KAT6B: variants seen among roughly 807,000 people sequenced by gnomAD.
KAT6B encodes the protein histone acetyltransferase KAT6B.
In KAT6B, 10 loss-of-function variants were observed where a neutral mutation model predicts 187.5. The observed-to-expected ratio is 0.05, with a 90% confidence interval of 0.03 to 0.09. The LOEUF (loss-of-function observed/expected upper bound fraction) is 0.09. Among genes scored for constraint, KAT6B ranks in the 10% least tolerant of loss-of-function variants. The pLI is 1.00. For synonymous variants in KAT6B, 861 were observed against 926.8 expected (o/e 0.93, Z 1.29); for missense variants, 1,952 against 2,558.9 (o/e 0.76, Z 5.12).
chr10:75,005,370 A>T (rs956308818), intron 13 of KAT6B, among the ~76,000 whole-genome samples: 5 of 151,882 alleles, frequency 3.3e-5, no homozygotes, highest in African/African-American at 1.2e-4. Context: ...GGCACGTGCC[A>T]CCATGCCCGG....
At chr10:74,958,523 A>G (rs1840846507) in intron 3 of KAT6B, among the ~76,000 whole-genome samples, 1 of 152,164 alleles carries the variant, frequency 6.6e-6, no homozygotes, top group Non-Finnish European at 1.5e-5. Context: ...ATATGCGGTA[A>G]AATTACAGTT....
chr10:74,935,019 G>C lies in KAT6B; in HGVS notation c.622-24951G>C, dbSNP rs574114999. Among the ~76,000 whole-genome samples, 6 of 152,368 alleles carry C rather than the reference G, an allele frequency of 3.9e-5. No individual in the cohort carries two copies. In the South Asian group the frequency reaches 8.3e-4, roughly 21 times the overall value. On this transcript the variant is annotated intron_variant, in intron 3 of 17. Transcript: ENST00000287239. ...AAGCAGGTTCTGAGATGAACTGCCTGAGTTGGATTCTGAGCTCTGTCACTT... is the reference window on the plus strand; with the variant it reads ...AAGCAGGTTCTGAGATGAACTGCCTCAGTTGGATTCTGAGCTCTGTCACTT...
At chr10:74,885,012 G>A (rs1845133311) in intron 3 of KAT6B, among the ~76,000 whole-genome samples, 1 of 152,070 alleles carries the variant, frequency 6.6e-6, no homozygotes, top group African/African-American at 2.4e-5. Context: ...AAATGTGGCT[G>A]AGACTGAGAA....
chr10:74,969,857 C>A, intron 5 of KAT6B, 82 bp downstream of exon 5: 2 of 1,107,532 alleles, frequency 1.8e-6, no homozygotes, highest in Non-Finnish European at 2.7e-6. Context: ...TAGAGTATGG[C>A]TACTTTCTTT....
In KAT6B at chr10:74,912,375, G is replaced by GGATGGATAGATA. The variant is rs1554825627; in HGVS notation, c.622-47592_622-47591insGGATAGATAGAT. 1.6e-3 allele frequency among the ~76,000 whole-genome samples: 232 copies of GGATGGATAGATA among 145,642 alleles called. 1 individual carries two copies. Among genetic ancestry groups the GGATGGATAGATA allele is most frequent in the African/African-American group, 5.0e-3 (193 of 38,404 alleles). ...GGATGGATAGATTAAATGGATGGAT[G>GGATGGATAGATA]GATAGATAGATAGATAGATAGATAG... On this transcript the variant is annotated intron_variant, in intron 3 of 17. Transcript: ENST00000287239.
In KAT6B at chr10:74,981,827, A is replaced by T. The variant is rs766894762; in HGVS notation, c.2272A>T (p.Met758Leu). The T allele has an allele frequency of 1.3e-6, 2 of 1,573,992 alleles. No homozygotes were observed. Among genetic ancestry groups the T allele is most frequent in the South Asian group, 2.2e-5 (2 of 90,206 alleles). The change falls in exon 11 of 18, where the codon ATG becomes TTG. Residue 758 changes from methionine to leucine, a missense_variant. Transcript: ENST00000287239. Reference protein sequence around the residue: ...LYLCEFCLKYMKSKNILLRHS... With the variant: ...LYLCEFCLKYLKSKNILLRHS... ...CCTGTGTGAATTCTGTCTTAAATAT[A>T]TGAAAAGTAAAAATATTTTGCTAAG...
chr10:74,892,279 G>C (rs1845691802), intron 3 of KAT6B, among the ~76,000 whole-genome samples: 1 of 152,202 alleles, frequency 6.6e-6, no homozygotes, highest in Admixed American at 6.5e-5. Context: ...GTGGTGGGAA[G>C]ATCCTTTGAG....
At chr10:74,891,080 A>G (rs1345751942) in intron 3 of KAT6B, among the ~76,000 whole-genome samples, 1 of 152,252 alleles carries the variant, frequency 6.6e-6, no homozygotes, top group African/African-American at 2.4e-5. Context: ...GAGCAAGATT[A>G]GTGGGGGATG....
At chr10:74,837,517 C>A (rs1387241149) in intron 1 of KAT6B, among the ~76,000 whole-genome samples, 1 of 152,044 alleles carries the variant, frequency 6.6e-6, no homozygotes, top group Non-Finnish European at 1.5e-5. Flanking sequence ...AGCAAATCCC[C>A]ATGCTCTGAA....
At chr10:74,909,347 G>A (rs1205964701) in intron 3 of KAT6B, among the ~76,000 whole-genome samples, 1 of 152,184 alleles carries the variant, frequency 6.6e-6, no homozygotes, top group Non-Finnish European at 1.5e-5. Context: ...CTCCAGCCTG[G>A]GAGACAGAGC....
chr10:74,890,348 C>T (rs991680680), intron 3 of KAT6B, among the ~76,000 whole-genome samples: 7 of 152,114 alleles, frequency 4.6e-5, no homozygotes, highest in Non-Finnish European at 8.8e-5. Flanking sequence ...TTTACAAATG[C>T]ACACAGGAGG....
Position 75,028,752 on chromosome 10 carries a change from G to C in KAT6B, c.3928G>C (p.Glu1310Gln), listed in dbSNP as rs201959220. 8.7e-6 allele frequency: 14 copies of C among 1,614,112 alleles called. No homozygotes were observed. Among genetic ancestry groups the C allele is most frequent in the Non-Finnish European group, 1.2e-5 (14 of 1,180,038 alleles). The change falls in exon 18 of 18, where the codon GAG (glutamate) becomes CAG (glutamine). Residue 1310 changes from glutamate (E) to glutamine (Q), a missense_variant. By Grantham distance (29) the Glu-to-Gln change is conservative. This residue lies in a region of KAT6B where 758 missense variants were observed against 891.4 expected (regional missense o/e 0.85). Coordinates refer to ENST00000287239, the MANE Select transcript of KAT6B (RefSeq NM_012330.4). ...TSPSPIRIEE[E>Q]VKETGEALLP... The stretch of plus-strand genomic sequence containing the variant: ...CCCCAGTCCCATCAGGATTGAGGAG[G>C]AGGTCAAGGAAACTGGGGAAGCCCT...
At chr10:74,987,129 A>C (rs1000451522) in intron 12 of KAT6B, among the ~76,000 whole-genome samples, 5 of 152,234 alleles carry the variant, frequency 3.3e-5, no homozygotes, top group African/African-American at 1.2e-4. Context: ...AATCTAAAAA[A>C]TAAGCATGTT....
At chr10:74,864,591 G>T (rs1364475658) in intron 3 of KAT6B, among the ~76,000 whole-genome samples, 1 of 151,842 alleles carries the variant, frequency 6.6e-6, no homozygotes, top group Admixed American at 6.6e-5. Context: ...GCCCAGGCTG[G>T]TGTGCAGTAG....
intron 10 of KAT6B, among the ~76,000 whole-genome samples, 199 bp from the exon 11 acceptor site, chr10:74,981,588 G>A (rs1263035289): frequency 6.6e-6 from 1 of 152,126 alleles, no homozygotes; most frequent in Non-Finnish European, 1.5e-5. Flanking sequence ...TGGCCAGGCT[G>A]GTCTCAAACT....
intron 15 of KAT6B, 72 bp downstream of exon 15, chr10:75,021,357 T>C: frequency 6.6e-7 from 1 of 1,519,170 alleles, no homozygotes; most frequent in Non-Finnish European, 9.1e-7. Context: ...AGAAAGTCAT[T>C]AAGATCGTTG....
intron 3 of KAT6B, among the ~76,000 whole-genome samples, chr10:74,883,145 A>G (rs562730130): frequency 2.6e-5 from 4 of 152,338 alleles, no homozygotes; most frequent in African/African-American, 9.6e-5. Flanking sequence ...GAAAACATGG[A>G]AACAGTTTCT....
chr10:74,908,117 A>T (rs1473773771), intron 3 of KAT6B, among the ~76,000 whole-genome samples: 1 of 152,110 alleles, frequency 6.6e-6, no homozygotes, highest in East Asian at 1.9e-4. Flanking sequence ...TTATAAGAAG[A>T]GTATGAGAGA....
At chr10:74,850,941 C>T (rs1414830536) in intron 3 of KAT6B, among the ~76,000 whole-genome samples, 5 of 152,126 alleles carry the variant, frequency 3.3e-5, no homozygotes, top group Non-Finnish European at 7.4e-5. Context: ...TGGGAATTCT[C>T]ATTCTAGGTT....
Sources: allele counts gnomAD v4.1 joint callset (sites outside exome capture counted in the v4.1 genomes callset), GRCh38; gene constraint gnomAD v4.1.1; regional missense constraint gnomAD v4.1.1; transcripts MANE v1.5; gene names NCBI Gene and HGNC (gene_info 2026-07-23, HGNC 2026-07-21).